The following SH3KBP1 variants were observed in gnomAD, a reference collection of about 807,000 sequenced individuals.
SH3KBP1 encodes SH3 domain-containing kinase-binding protein 1.
In SH3KBP1, 8 loss-of-function variants were observed where a neutral mutation model predicts 50.1. The ratio of observed to expected loss-of-function variants is 0.16; its 90% CI spans 0.09 to 0.29. SH3KBP1 has a LOEUF of 0.29. SH3KBP1 is among the 10% of genes least tolerant of loss of function. The pLI is 1.00. For synonymous variants in SH3KBP1, 227 were observed against 218.6 expected (o/e 1.04, Z -0.34); for missense variants, 377 against 535.2 (o/e 0.70, Z 2.92).
chrX:19,801,887 C>G (rs1437927266), intron 2 of SH3KBP1, among the ~76,000 whole-genome samples: 1 of 111,101 alleles, frequency 9.0e-6, no homozygotes, highest in Non-Finnish European at 1.9e-5. Context: ...ACCAGCCTGG[C>G]CAACATGGAG....
chrX:19,620,516 C>T (rs1209355206), intron 8 of SH3KBP1, among the ~76,000 whole-genome samples: 2 of 112,170 alleles, frequency 1.8e-5, no homozygotes, highest in South Asian at 3.7e-4. Flanking sequence ...GCCTGTGCAG[C>T]GAGTAAAAAA....
intron 8 of SH3KBP1, among the ~76,000 whole-genome samples, chrX:19,619,639 G>A (rs1373689969): frequency 9.9e-5 from 11 of 110,841 alleles, no homozygotes; most frequent in African/African-American, 2.3e-4. Context: ...AAAATTAGCC[G>A]GGTGTGGTGG....
At chrX:19,643,149 C>T (rs1186549815) in intron 7 of SH3KBP1, among the ~76,000 whole-genome samples, 3 of 109,081 alleles carry the variant, frequency 2.8e-5, no homozygotes, top group African/African-American at 1.0e-4. Flanking sequence ...GTATCAAAAT[C>T]CCGAAGCAGG....
intron 4 of SH3KBP1, among the ~76,000 whole-genome samples, 185 bp from the exon 5 acceptor site, chrX:19,695,926 G>A (rs1272080126): frequency 1.8e-5 from 2 of 110,999 alleles, no homozygotes; most frequent in African/African-American, 6.6e-5. Context: ...GCTAAAGAAG[G>A]GGGTGTTTAC....
intron 6 of SH3KBP1, among the ~76,000 whole-genome samples, chrX:19,656,023 G>T (rs2062270180): frequency 9.0e-6 from 1 of 111,386 alleles, no homozygotes; most frequent in Admixed American, 9.6e-5. Context: ...GAGACTGGTG[G>T]GAAGGGTATT....
intron 1 of SH3KBP1, among the ~76,000 whole-genome samples, chrX:19,879,954 G>C (rs909558269): frequency 4.5e-5 from 5 of 112,207 alleles, no homozygotes; most frequent in African/African-American, 1.6e-4. Context: ...CGGCTGGCCT[G>C]TGCATCGTAG....
chrX:19,542,662 G>A (rs769508418), intron 15 of SH3KBP1, among the ~76,000 whole-genome samples: 4 of 111,695 alleles, frequency 3.6e-5, no homozygotes, highest in Admixed American at 9.5e-5. Context: ...CCATCCAGAC[G>A]GGCAGGCATC....
intron 6 of SH3KBP1, among the ~76,000 whole-genome samples, chrX:19,674,389 T>C (rs2062876249): frequency 8.9e-6 from 1 of 112,081 alleles, no homozygotes; most frequent in Non-Finnish European, 1.9e-5. Flanking sequence ...ATCCCAGAGA[T>C]ACCACTGCTA....
chrX:19,740,801 C>T lies in SH3KBP1; in HGVS notation c.286+5517G>A, dbSNP rs761646114. 11 of 325,246 alleles carry T rather than the reference C, an allele frequency of 3.4e-5. No homozygotes were observed. In the East Asian group the frequency reaches 1.0e-3, roughly 30 times the overall value. The allele number at this position is 325,246 out of a possible 1,213,427, so 26.8% of individuals were successfully genotyped here. On this transcript the variant is annotated intron_variant, in intron 3 of 17. Coordinates refer to ENST00000397821, the MANE Select transcript of SH3KBP1 (RefSeq NM_031892.3). ...TAACAGTTTCATTTCTGCCAAAGAGCTCACGGCCTATCAAGATCCACGCCA... is the reference window on the plus strand; with the variant it reads ...TAACAGTTTCATTTCTGCCAAAGAGTTCACGGCCTATCAAGATCCACGCCA...
At chrX:19,882,473 C>T (rs980936599) in intron 1 of SH3KBP1, among the ~76,000 whole-genome samples, 2 of 111,107 alleles carry the variant, frequency 1.8e-5, no homozygotes, top group African/African-American at 6.6e-5. Flanking sequence ...GCTGCCCAGC[C>T]GTTGCTGGCT....
At chrX:19,713,049 C>G (rs2063816899) in intron 3 of SH3KBP1, among the ~76,000 whole-genome samples, 1 of 109,499 alleles carries the variant, frequency 9.1e-6, no homozygotes, top group South Asian at 4.0e-4. Context: ...GTGGTGAAAC[C>G]CTGTCTCTAC....
intron 12 of SH3KBP1, among the ~76,000 whole-genome samples, chrX:19,574,298 T>C (rs769413804): frequency 1.7e-4 from 19 of 112,507 alleles, no homozygotes; most frequent in African/African-American, 4.8e-4. Flanking sequence ...TGGGATTTTG[T>C]CACTTTTGTT....
chrX:19,830,093 T>C (rs1022789696), intron 2 of SH3KBP1, among the ~76,000 whole-genome samples: 1 of 111,097 alleles, frequency 9.0e-6, no homozygotes, highest in African/African-American at 3.3e-5. Flanking sequence ...ATCAGCAAGG[T>C]CTTTATGATC....
chrX:19,851,604 A>C, intron 1 of SH3KBP1, among the ~76,000 whole-genome samples: 1 of 112,799 alleles, frequency 8.9e-6, no homozygotes, highest in East Asian at 2.8e-4. Context: ...TGGCACGATC[A>C]TGGCTCACTA....
intron 3 of SH3KBP1, among the ~76,000 whole-genome samples, chrX:19,708,042 A>G (rs751765615): frequency 2.7e-5 from 3 of 113,172 alleles, no homozygotes; most frequent in Admixed American, 9.3e-5. Flanking sequence ...AGAAATGCTT[A>G]AATTATTTTT....
intron 1 of SH3KBP1, among the ~76,000 whole-genome samples, chrX:19,840,428 A>G (rs1302890404): frequency 8.9e-6 from 1 of 112,571 alleles, no homozygotes; most frequent in East Asian, 2.7e-4. Flanking sequence ...TTAAATAAAT[A>G]TATTATACAA....
intron 8 of SH3KBP1, among the ~76,000 whole-genome samples, chrX:19,625,760 G>A (rs1327785703): frequency 1.8e-5 from 2 of 111,814 alleles, no homozygotes; most frequent in African/African-American, 6.5e-5. Context: ...TAACAATGAG[G>A]ACTCTCAATG....
chrX:19,631,521 G>A lies in SH3KBP1; in HGVS notation c.897+343C>T, dbSNP rs765567408. ...GCGTTTTAAAAAAAAACTCCTCCTC[G>A]GATACCTCAGGACACAGAGCTCTGC... is the stretch of plus-strand genomic sequence containing the variant. On this transcript the variant is annotated intron_variant, in intron 8 of 17. Transcript: ENST00000397821. 3.6e-5 allele frequency among the ~76,000 whole-genome samples: 4 copies of A among 112,449 alleles called. No homozygotes were observed. The East Asian group carries it at 8.4e-4, about 24-fold the overall frequency.
At chrX:19,544,002 C>T (rs898035427) in intron 15 of SH3KBP1, among the ~76,000 whole-genome samples, 3 of 110,541 alleles carry the variant, frequency 2.7e-5, no homozygotes, top group South Asian at 7.7e-4. Flanking sequence ...GCAACGCGGC[C>T]GTGAGGCTCC....
Sources: gnomAD v4.1 joint callset for allele counts (sites outside exome capture counted in the v4.1 genomes callset) on GRCh38, gnomAD v4.1.1 for gene constraint, MANE v1.5 for transcripts, NCBI Gene and HGNC (gene_info 2026-07-23, HGNC 2026-07-21) for gene names.